The following COX6B1 variants were observed in gnomAD, a reference collection of about 807,000 sequenced individuals.
The protein encoded by COX6B1 is cytochrome c oxidase subunit 6B1.
A neutral mutation model predicts 14.0 loss-of-function variants in COX6B1; 2 were observed. The ratio of observed to expected loss-of-function variants is 0.14; its 90% CI spans 0.06 to 0.45. The LOEUF is 0.45. Ranked by LOEUF, COX6B1 falls within the 20% of genes least tolerant of loss-of-function variation. The pLI, the probability that COX6B1 is intolerant of heterozygous loss-of-function variation, is 0.98. For synonymous variants in COX6B1, 30 were observed against 39.7 expected (o/e 0.76, Z 0.92); for missense variants, 81 against 114.2 (o/e 0.71, Z 1.33).
At chr19:35,655,088 G>T (rs1967872859) in intron 3 of COX6B1, among the ~76,000 whole-genome samples, 1 of 149,982 alleles carries the variant, frequency 6.7e-6, no homozygotes. Flanking sequence ...GGAGTGCAGT[G>T]GCGCGATCTT....
intron 1 of COX6B1, among the ~76,000 whole-genome samples, chr19:35,649,229 G>C (rs187145328): frequency 5.3e-5 from 8 of 152,300 alleles, no homozygotes; most frequent in African/African-American, 1.9e-4. Context: ...AATTGCATCT[G>C]TGTTTTTACT....
chr19:35,650,568 C>T (rs1183022171), intron 1 of COX6B1, among the ~76,000 whole-genome samples: 1 of 151,972 alleles, frequency 6.6e-6, no homozygotes, highest in Admixed American at 6.6e-5. Flanking sequence ...ATTAGCAGGG[C>T]ATGGTGGCAG....
chr19:35,658,744 C>T lies in COX6B1; in HGVS notation c.*97C>T. 1 of 1,080,668 alleles carries T rather than the reference C, an allele frequency of 9.3e-7. No homozygotes were observed. The highest frequency in any genetic ancestry group is 1.3e-5 in the South Asian group (1 of 79,072). The allele number at this position is 1,080,668 out of a possible 1,614,324, so 66.9% of individuals were successfully genotyped here. A position where few individuals can be genotyped will look rare whatever the true frequency, so the allele number is the denominator to read the frequency against. ...TGATCCCCACCCCAGGATCCTAAAT[C>T]ATGACTTACCTGCTAATAAAAACTC... On this transcript the variant is annotated 3_prime_UTR_variant, in exon 4 of 4. Transcript: ENST00000649813.
Position 35,649,640 on chromosome 19 carries a change from A to G in COX6B1, c.-12+1237A>G, listed in dbSNP as rs891562282. ...ATTACAGGTGCACGCCACCATGCCC[A>G]GCTAATTTTTTGTATTTTTAGTAGA... On this transcript the variant is annotated intron_variant, in intron 1 of 3. Coordinates refer to ENST00000649813, the MANE Select transcript of COX6B1 (RefSeq NM_001863.5). Among the ~76,000 whole-genome samples, 81 of 151,990 alleles carry G rather than the reference A, an allele frequency of 5.3e-4. 1 individual carries two copies. The highest frequency in any genetic ancestry group is 1.9e-3 in the African/African-American group (80 of 41,448).
intron 3 of COX6B1, among the ~76,000 whole-genome samples, chr19:35,655,087 T>C (rs890563427): frequency 2.6e-5 from 4 of 151,098 alleles, no homozygotes; most frequent in Non-Finnish European, 4.4e-5. Flanking sequence ...TGGAGTGCAG[T>C]GGCGCGATCT....
At chr19:35,653,010 C>G (rs1967846027) in intron 2 of COX6B1, among the ~76,000 whole-genome samples, 1 of 149,106 alleles carries the variant, frequency 6.7e-6, no homozygotes, top group South Asian at 2.1e-4. Flanking sequence ...GCTTTGTCGC[C>G]CAGGTTGGAG....
At chr19:35,649,051 A>G in intron 1 of COX6B1, 1 of 439,736 alleles carries the variant, frequency 2.3e-6, no homozygotes, top group Non-Finnish European at 4.7e-6. Flanking sequence ...AAGTCTCTGT[A>G]TAGCCCCACG....
At chr19:35,652,468 G>C (rs763744690) in intron 2 of COX6B1, among the ~76,000 whole-genome samples, 1 of 151,702 alleles carries the variant, frequency 6.6e-6, no homozygotes, top group Non-Finnish European at 1.5e-5. Flanking sequence ...TTTTGTTTTC[G>C]TTGCCCAGGC....
At chr19:35,655,362 T>G (rs988167042) in intron 3 of COX6B1, among the ~76,000 whole-genome samples, 2 of 152,132 alleles carry the variant, frequency 1.3e-5, no homozygotes, top group Non-Finnish European at 2.9e-5. Flanking sequence ...AGATAATAAT[T>G]CATTGACCTC....
At chr19:35,655,420 GT>G (rs1967878226) in intron 3 of COX6B1, among the ~76,000 whole-genome samples, 1 of 152,066 alleles carries the variant, frequency 6.6e-6, no homozygotes, top group Non-Finnish European at 1.5e-5. Flanking sequence ...TTTATCCACG[GT>G]TTCTTCATCT....
In COX6B1 at chr19:35,651,253, G is replaced by T. The variant is rs1599620918; in HGVS notation, c.10G>T (p.Asp4Tyr). 4 of 1,613,876 alleles carry T rather than the reference G, an allele frequency of 2.5e-6. No homozygotes were observed. In the East Asian group the frequency reaches 8.9e-5, roughly 36 times the overall value. Reference protein sequence around the residue: MAEDMETKIKNYKT... With the variant: MAEYMETKIKNYKT... ...TCCAGGATTCAGCACCATGGCGGAA[G>T]ACATGGAGACCAAAATCAAGAACTA... Residue 4 changes from aspartate to tyrosine, a missense_variant, in exon 2 of 4, where the codon GAC becomes TAC. Coordinates refer to ENST00000649813, the MANE Select transcript of COX6B1 (RefSeq NM_001863.5).
At chr19:35,654,522 A>G (rs530171105) in intron 2 of COX6B1, 49 bp from the exon 3 acceptor site, 1 of 1,526,546 alleles carries the variant, frequency 6.6e-7, no homozygotes, top group Middle Eastern at 1.7e-4. Context: ...AAAAAAAAAA[A>G]TGTGTTCCAA....
At chr19:35,648,882 C>T in intron 1 of COX6B1, 1 of 533,468 alleles carries the variant, frequency 1.9e-6, no homozygotes, top group Non-Finnish European at 3.8e-6. Flanking sequence ...CACCCTCATC[C>T]TCAGATACCG....
chr19:35,658,513 C>A, intron 3 of COX6B1, 81 bp from the exon 4 acceptor site: 1 of 1,299,332 alleles, frequency 7.7e-7, no homozygotes, highest in Non-Finnish European at 1.1e-6. Context: ...GTTGAACAAA[C>A]AGGTGGGCAA....
intron 2 of COX6B1, among the ~76,000 whole-genome samples, chr19:35,652,205 A>G (rs977927554): frequency 1.3e-5 from 2 of 150,852 alleles, no homozygotes; most frequent in East Asian, 2.0e-4. Context: ...AATTTTTTGT[A>G]TTTTTAGTAG....
chr19:35,655,014 CTTTT>C (rs759249655), intron 3 of COX6B1, among the ~76,000 whole-genome samples: 2 of 140,986 alleles, frequency 1.4e-5, no homozygotes, highest in African/African-American at 5.2e-5. Flanking sequence ...ATTTTTTTTT[CTTTT>C]TTTTTTTCTT....
chr19:35,652,457 T>A (rs1242502086), intron 2 of COX6B1, among the ~76,000 whole-genome samples: 7 of 149,554 alleles, frequency 4.7e-5, no homozygotes, highest in Admixed American at 4.7e-4. Context: ...GAGACTGAGT[T>A]TTTTGTTTTC....
intron 1 of COX6B1, among the ~76,000 whole-genome samples, chr19:35,650,709 G>GAA (rs11426803): frequency 5.5e-5 from 8 of 145,122 alleles, no homozygotes; most frequent in East Asian, 4.0e-4. Context: ...CTTAAAAAAA[G>GAA]AAAAAAAAAA....
At chr19:35,656,018 G>A (rs1301560814) in intron 3 of COX6B1, among the ~76,000 whole-genome samples, 2 of 151,936 alleles carry the variant, frequency 1.3e-5, no homozygotes, top group African/African-American at 4.8e-5. Context: ...TTGTAGAAAT[G>A]GGGTTTCGCC....
Sources: gnomAD v4.1 joint callset for allele counts (sites outside exome capture counted in the v4.1 genomes callset) on GRCh38, gnomAD v4.1.1 for gene constraint, MANE v1.5 for transcripts, NCBI Gene and HGNC (gene_info 2026-07-23, HGNC 2026-07-21) for gene names.